Variants in PRKN observed in about 807,000 individuals in gnomAD.
The protein encoded by PRKN is E3 ubiquitin-protein ligase parkin.
A neutral mutation model predicts 59.5 loss-of-function variants in PRKN; 56 were observed. The ratio of observed to expected loss-of-function variants is 0.94; its 90% CI spans 0.76 to 1.18. PRKN has a LOEUF of 1.18. Ranked by LOEUF, PRKN falls within the 50% of genes most tolerant of loss-of-function variation. The pLI is 0.00. For missense variants in PRKN, 657 were observed against 596.4 expected, an observed-to-expected ratio of 1.10 and a Z score of -1.06; for synonymous variants, 250 against 222.1, an observed-to-expected ratio of 1.13 and a Z score of -1.12.
intron 7 of PRKN, among the ~76,000 whole-genome samples, chr6:161,573,743 A>ATT (rs1780998169): frequency 1.6e-4 from 5 of 31,206 alleles, no homozygotes; most frequent in Non-Finnish European, 2.3e-4. Flanking sequence ...AAAAAAAAAA[A>ATT]AAAAAAAAAA....
intron 4 of PRKN, among the ~76,000 whole-genome samples, chr6:162,090,772 C>G (rs1049047080): frequency 2.0e-5 from 3 of 152,104 alleles, no homozygotes; most frequent in African/African-American, 7.2e-5. Flanking sequence ...CATTTCCTAT[C>G]TAGAATGACA....
intron 1 of PRKN, among the ~76,000 whole-genome samples, chr6:162,556,362 T>TGTGTGTGTGCGC (rs1554243400): frequency 4.6e-5 from 4 of 86,266 alleles, no homozygotes; most frequent in African/African-American, 1.5e-4. Flanking sequence ...TGTGTGTGTG[T>TGTGTGTGTGCGC]GTGTGTGTGT....
At chr6:161,971,395 C>T (rs771428302) in intron 6 of PRKN, among the ~76,000 whole-genome samples, 3 of 152,148 alleles carry the variant, frequency 2.0e-5, no homozygotes, top group Non-Finnish European at 4.4e-5. Context: ...TTCTGACTTA[C>T]AGAAGAGTAT....
chr6:162,460,755 ACAT>A (rs1791113763), intron 1 of PRKN, among the ~76,000 whole-genome samples: 1 of 152,224 alleles, frequency 6.6e-6, no homozygotes, highest in South Asian at 2.1e-4. Context: ...AAATTTGTAA[ACAT>A]CATCTTTCAC....
chr6:162,339,947 G>T (rs377433903), intron 2 of PRKN, among the ~76,000 whole-genome samples: 22 of 144,666 alleles, frequency 1.5e-4, no homozygotes, highest in African/African-American at 2.4e-4. Context: ...CAGCATGCTC[G>T]TTAAGAGTCA....
At chr6:161,541,102 C>A (rs573750372) in intron 9 of PRKN, among the ~76,000 whole-genome samples, 1 of 152,332 alleles carries the variant, frequency 6.6e-6, no homozygotes, top group African/African-American at 2.4e-5. Context: ...CTTGGACAGA[C>A]GTCCCTGTCC....
chr6:162,451,536 G>A (rs1453149801), intron 1 of PRKN, among the ~76,000 whole-genome samples: 1 of 151,768 alleles, frequency 6.6e-6, no homozygotes, highest in East Asian at 1.9e-4. Context: ...ATCAACCTGA[G>A]CAATACAGTG....
In PRKN at chr6:162,274,360, G is replaced by T. The variant is rs1446433290; in HGVS notation, c.172-11595C>A. On this transcript the variant is annotated intron_variant, in intron 2 of 11. Transcript: ENST00000366898. Reference sequence around the variant, plus strand: ...TGCCACTACATCCAGCTAATTTTTTGTATATGCCATACAGACAGGGTTTTG... The same window carrying T: ...TGCCACTACATCCAGCTAATTTTTTTTATATGCCATACAGACAGGGTTTTG... Among the ~76,000 whole-genome samples the T allele has an allele frequency of 2.6e-5, 4 of 151,934 alleles. No homozygotes were observed. In the East Asian group the frequency reaches 7.8e-4, roughly 30 times the overall value.
chr6:161,360,686 G>C lies in PRKN; in HGVS notation c.1168-481C>G, dbSNP rs1784942464. On this transcript the variant is annotated intron_variant, in intron 10 of 11. Transcript: ENST00000366898. This position sits in a 1 kb window ranked among gnomAD's most constrained non-coding sequence, Gnocchi z 5.1. Reference sequence around the variant, plus strand: ...GCTTTTAAACTTTGCTCTACATCTTGTTATCCTTCCTTGCACCTGGCAAAT... The same window carrying C: ...GCTTTTAAACTTTGCTCTACATCTTCTTATCCTTCCTTGCACCTGGCAAAT... Among the ~76,000 whole-genome samples the C allele has an allele frequency of 6.6e-6, 1 of 152,052 alleles. No individual in the cohort carries two copies.
chr6:161,569,440 C>T (rs762840587), intron 7 of PRKN, 24 bp from the exon 8 acceptor site: 3 of 1,594,740 alleles, frequency 1.9e-6, no homozygotes, highest in Non-Finnish European at 2.6e-6. Context: ...GAATTAATCA[C>T]AAAAACGTCA....
intron 7 of PRKN, among the ~76,000 whole-genome samples, chr6:161,670,815 A>AC (rs1784881457): frequency 2.9e-5 from 3 of 104,096 alleles, no homozygotes; most frequent in Non-Finnish European, 6.8e-5. Flanking sequence ...ACTCTGTCTC[A>AC]AAAACAAACA....
Position 162,665,411 on chromosome 6 carries a change from C to G in PRKN, c.7+62251G>C, listed in dbSNP as rs143529248. Among the ~76,000 whole-genome samples, 12 of 152,016 alleles carry G rather than the reference C, an allele frequency of 7.9e-5. No individual in the cohort carries two copies. In the East Asian group the frequency reaches 2.3e-3, roughly 30 times the overall value. ...ACAACAGGCAAGCAGAGAGACAAATCATGAATGAACTCCCATTCACAATGG... is the reference window on the plus strand; with the variant it reads ...ACAACAGGCAAGCAGAGAGACAAATGATGAATGAACTCCCATTCACAATGG... On this transcript the variant is annotated intron_variant, in intron 1 of 11. Coordinates refer to ENST00000366898, the MANE Select transcript of PRKN (RefSeq NM_004562.3).
At chr6:162,112,513 C>T (rs1046247119) in intron 4 of PRKN, among the ~76,000 whole-genome samples, 3 of 152,136 alleles carry the variant, frequency 2.0e-5, no homozygotes, top group African/African-American at 7.2e-5. Context: ...ACAGTGTCTT[C>T]TAGAAGTCCT....
chr6:161,720,622 A>G (rs1787179042), intron 7 of PRKN, among the ~76,000 whole-genome samples: 1 of 152,214 alleles, frequency 6.6e-6, no homozygotes, highest in South Asian at 2.1e-4. Flanking sequence ...AACTGTCTTC[A>G]TCAATAATAT....
At chr6:162,046,632 A>G (rs1461747976) in intron 5 of PRKN, among the ~76,000 whole-genome samples, 2 of 152,330 alleles carry the variant, frequency 1.3e-5, no homozygotes, top group African/African-American at 4.8e-5. Context: ...GTAGCAGTTT[A>G]CAAGGAATCT....
intron 4 of PRKN, among the ~76,000 whole-genome samples, chr6:162,064,389 T>C (rs1318724184): frequency 1.7e-5 from 1 of 59,896 alleles, no homozygotes; most frequent in East Asian, 3.3e-4. Flanking sequence ...TTTTGTAGAG[T>C]GTAAATTGTT....
At chr6:162,066,806 T>C (rs1778359113) in intron 4 of PRKN, among the ~76,000 whole-genome samples, 1 of 152,220 alleles carries the variant, frequency 6.6e-6, no homozygotes, top group South Asian at 2.1e-4. Context: ...AAATACTTAA[T>C]TGAATCACTG....
rs765761156 is a variant in PRKN, at chr6:162,727,746, G to T, written c.-78C>A. 2 of 1,445,300 alleles carry T rather than the reference G, an allele frequency of 1.4e-6. No homozygotes were observed. The highest frequency in any genetic ancestry group is 9.5e-7 in the Non-Finnish European group (1 of 1,052,408). 89.5% of individuals were successfully genotyped at this position (1,445,300 alleles called of 1,614,324 possible). Reference sequence around the variant, plus strand: ...GGCGCCAGCCGCGCCTCCCACCAGCGGCTCTCCTGGGTTAAATCCTCCAGG... The same window carrying T: ...GGCGCCAGCCGCGCCTCCCACCAGCTGCTCTCCTGGGTTAAATCCTCCAGG... On this transcript the variant is annotated 5_prime_UTR_variant, in exon 1 of 12. Coordinates refer to ENST00000366898, the MANE Select transcript of PRKN (RefSeq NM_004562.3).
intron 9 of PRKN, among the ~76,000 whole-genome samples, chr6:161,449,922 C>A (rs377474915): frequency 6.6e-6 from 1 of 152,180 alleles, no homozygotes; most frequent in East Asian, 1.9e-4. Context: ...CACCCACCCA[C>A]GAGACTTTAG....
Sources: allele counts gnomAD v4.1 joint callset (sites outside exome capture counted in the v4.1 genomes callset), GRCh38; gene constraint gnomAD v4.1.1; non-coding constraint Gnocchi (gnomAD v3.1); transcripts MANE v1.5; gene names NCBI Gene and HGNC (gene_info 2026-07-23, HGNC 2026-07-21).